Variants in RORA observed in about 807,000 individuals in gnomAD.
RORA encodes nuclear receptor ROR-alpha.
Under a neutral mutation model 69.5 loss-of-function variants are expected in RORA, and 7 were observed. The ratio of observed to expected loss-of-function variants is 0.10; its 90% confidence interval spans 0.06 to 0.19. The LOEUF (loss-of-function observed/expected upper bound fraction) is 0.19, where lower values mean the gene tolerates loss of function less well. RORA is among the 10% of genes least tolerant of loss of function. The pLI, the probability that RORA is intolerant of heterozygous loss-of-function variation, is 1.00. For missense variants in RORA, 457 were observed against 663.0 expected (o/e 0.69, Z 3.41); for synonymous variants, 261 against 240.8 (o/e 1.08, Z -0.78).
chr15:60,568,944 T>TAAAA (rs34688193), intron 2 of RORA, among the ~76,000 whole-genome samples: 5 of 137,492 alleles, frequency 3.6e-5, no homozygotes, highest in Non-Finnish European at 6.3e-5. Flanking sequence ...GGTTTTGCGC[T>TAAAA]AAAAAAAAAA....
intron 1 of RORA, among the ~76,000 whole-genome samples, chr15:61,222,074 C>T (rs2080102954): frequency 6.6e-6 from 1 of 152,092 alleles, no homozygotes. Flanking sequence ...ATATTTCCTA[C>T]TCATTTCCAT....
At chr15:60,922,405 G>C (rs1892075154) in intron 1 of RORA, among the ~76,000 whole-genome samples, 1 of 152,100 alleles carries the variant, frequency 6.6e-6, no homozygotes, top group Non-Finnish European at 1.5e-5. Flanking sequence ...GGAGAGTGGG[G>C]GGAAGGGGTA....
intron 1 of RORA, among the ~76,000 whole-genome samples, chr15:61,181,680 C>CAAAAAAAAAAAAAAAAAAA (rs749054081): frequency 1.7e-5 from 1 of 57,764 alleles, no homozygotes. Context: ...TTAGCTTTGG[C>CAAAAAAAAAAAAAAAAAAA]AAAAAAAAAA....
At chr15:61,206,215 C>T (rs1567037171) in intron 1 of RORA, among the ~76,000 whole-genome samples, 1 of 151,974 alleles carries the variant, frequency 6.6e-6, no homozygotes, top group Non-Finnish European at 1.5e-5. Context: ...TAGTGCAGTG[C>T]CTGGTGAATA....
At chr15:60,879,372 T>C (rs561216884) in intron 1 of RORA, among the ~76,000 whole-genome samples, 35 of 151,170 alleles carry the variant, frequency 2.3e-4, no homozygotes, top group African/African-American at 7.5e-4. Flanking sequence ...CCATACATCA[T>C]AGGACTGTTG....
rs190562781 is a variant in RORA at position 61,155,239 on chromosome 15, T to C, written c.166+73814A>G. ...AAATATGTACATTATGTGTCACCTATTAAAAATTAATTTAAAAAGATGAAT... is the reference window on the plus strand; with the variant it reads ...AAATATGTACATTATGTGTCACCTACTAAAAATTAATTTAAAAAGATGAAT... On this transcript the variant is annotated intron_variant, in intron 1 of 10. Coordinates refer to ENST00000335670, the MANE Select transcript of RORA (RefSeq NM_134261.3). Among the ~76,000 whole-genome samples, 52 of 152,214 alleles carry C rather than the reference T, an allele frequency of 3.4e-4. 2 individuals are homozygous for C. The highest frequency in any genetic ancestry group is 3.1e-3 in the Admixed American group (47 of 15,294).
chr15:60,802,601 ATGTG>A (rs2072600703), intron 1 of RORA, among the ~76,000 whole-genome samples: 1 of 152,012 alleles, frequency 6.6e-6, no homozygotes, highest in Non-Finnish European at 1.5e-5. Context: ...TGTATGTGGC[ATGTG>A]TGTGTATGTG....
chr15:60,540,574 C>CCCG (rs1555428642), intron 2 of RORA, among the ~76,000 whole-genome samples: 3,086 of 102,554 alleles, frequency 0.03, 528 homozygotes, highest in African/African-American at 0.13. Context: ...ACCCCCCCCC[C>CCCG]CCAAAACTGT....
intron 2 of RORA, among the ~76,000 whole-genome samples, chr15:60,665,463 A>C (rs763997116): frequency 2.0e-5 from 3 of 152,206 alleles, no homozygotes; most frequent in Non-Finnish European, 4.4e-5. Flanking sequence ...ATCTAGAAAG[A>C]TAGGCAAGTA....
Position 61,213,408 on chromosome 15 carries a change from A to C in RORA, c.166+15645T>G, listed in dbSNP as rs1278724526. Reference sequence around the variant, plus strand: ...ACCAAAAAGAAATCAGGTATTTTTCATTTGTTCAAAATTTTGCTATAAGAC... The same window carrying C: ...ACCAAAAAGAAATCAGGTATTTTTCCTTTGTTCAAAATTTTGCTATAAGAC... On this transcript the variant is annotated intron_variant, in intron 1 of 10. Coordinates refer to ENST00000335670, the MANE Select transcript of RORA (RefSeq NM_134261.3). This position sits in a 1 kb window ranked among gnomAD's most constrained non-coding sequence, Gnocchi z 4.1. 6.6e-6 allele frequency among the ~76,000 whole-genome samples: 1 copy of C among 152,126 alleles called. No homozygotes were observed. The highest frequency in any genetic ancestry group is 1.5e-5 in the Non-Finnish European group (1 of 68,012).
chr15:61,181,079 G>A (rs2079680656), intron 1 of RORA, among the ~76,000 whole-genome samples: 1 of 149,216 alleles, frequency 6.7e-6, no homozygotes. Flanking sequence ...ATTCCAGCCA[G>A]GGAGACAGAG....
At chr15:60,909,267 C>T (rs1891632139) in intron 1 of RORA, among the ~76,000 whole-genome samples, 1 of 152,176 alleles carries the variant, frequency 6.6e-6, no homozygotes, top group Admixed American at 6.5e-5. Context: ...ATGTCTCGGC[C>T]AGCCTCAGCC....
chr15:60,762,014 A>G (rs1426734319), intron 1 of RORA, among the ~76,000 whole-genome samples: 1 of 152,198 alleles, frequency 6.6e-6, no homozygotes, highest in Non-Finnish European at 1.5e-5. Context: ...ATCTGCAAGA[A>G]TTTTATCTTT....
chr15:60,800,527 A>G (rs551475768), intron 1 of RORA, among the ~76,000 whole-genome samples: 51 of 152,334 alleles, frequency 3.3e-4, no homozygotes, highest in Non-Finnish European at 5.9e-5. Context: ...CTTTGATGTT[A>G]AAAAGAGAAC....
At chr15:60,929,690 G>A (rs763407880) in intron 1 of RORA, among the ~76,000 whole-genome samples, 1 of 152,144 alleles carries the variant, frequency 6.6e-6, no homozygotes, top group Non-Finnish European at 1.5e-5. Flanking sequence ...GCCCAGAATC[G>A]CCATATCAGG....
intron 1 of RORA, among the ~76,000 whole-genome samples, chr15:60,949,220 G>A (rs1193503527): frequency 6.6e-6 from 1 of 152,102 alleles, no homozygotes; most frequent in Non-Finnish European, 1.5e-5. Context: ...AACGTGTTGA[G>A]GCAGCTGAAC....
intron 1 of RORA, among the ~76,000 whole-genome samples, chr15:60,782,251 C>T (rs898262138): frequency 1.1e-4 from 16 of 152,014 alleles, no homozygotes; most frequent in Admixed American, 9.8e-4. Flanking sequence ...AAAGAAATGC[C>T]CGTTGCACGA....
At position 60,534,781 on chromosome 15, in the gene RORA, G is replaced by A. The variant is rs948724195; in HGVS notation, c.197-2930C>T. Among the ~76,000 whole-genome samples the A allele has an allele frequency of 6.6e-6, 1 of 152,076 alleles. No homozygotes were observed. On this transcript the variant is annotated intron_variant, in intron 2 of 10. Transcript: ENST00000335670. The surrounding 1 kb of genome is among the most constrained non-coding windows in gnomAD (Gnocchi z 5.0). ...CCCTCTGAATGTGATCTGATCACAC[G>A]TGTTGATATTCCCAGAAAGCGAGCA...
intron 1 of RORA, among the ~76,000 whole-genome samples, chr15:61,047,195 C>T (rs896628963): frequency 4.6e-5 from 7 of 152,214 alleles, no homozygotes; most frequent in East Asian, 1.9e-4. Flanking sequence ...GGGTTCTGAC[C>T]GTCCTTATGC....
Sources: gnomAD v4.1 joint callset for allele counts (sites outside exome capture counted in the v4.1 genomes callset) on GRCh38, gnomAD v4.1.1 for gene constraint, Gnocchi (gnomAD v3.1) non-coding constraint, MANE v1.5 for transcripts, NCBI Gene and HGNC (gene_info 2026-07-23, HGNC 2026-07-21) for gene names.